Variants in ADAMTSL1 observed in about 807,000 individuals in gnomAD.
ADAMTSL1 encodes the protein ADAMTS like 1.
Under a neutral mutation model 201.8 loss-of-function variants are expected in ADAMTSL1, and 126 were observed. The ratio of observed to expected loss-of-function variants is 0.62; its 90% CI spans 0.54 to 0.72. The LOEUF (loss-of-function observed/expected upper bound fraction) is 0.72, where lower values mean the gene tolerates loss of function less well. Ranked by LOEUF, ADAMTSL1 falls within the 30% of genes least tolerant of loss-of-function variation. The probability of loss-of-function intolerance (pLI) is 0.00; values close to 1 mark genes in which losing one functional copy is unlikely to be tolerated. For synonymous variants in ADAMTSL1, 1,121 were observed against 903.4 expected, an observed-to-expected ratio of 1.24 and a Z score of -4.32; for missense variants, 2,679 against 2,277.8, an observed-to-expected ratio of 1.18 and a Z score of -3.59.
At chr9:18,481,271 G>A (rs1821714799) in intron 1 of ADAMTSL1, among the ~76,000 whole-genome samples, 1 of 152,188 alleles carries the variant, frequency 6.6e-6, no homozygotes, top group Non-Finnish European at 1.5e-5. Context: ...TAGGCTGGGT[G>A]CAGTGGCTCA....
chr9:18,845,642 T>C (rs1458049710), intron 23 of ADAMTSL1, among the ~76,000 whole-genome samples: 1 of 152,252 alleles, frequency 6.6e-6, no homozygotes, highest in African/African-American at 2.4e-5. Context: ...TTTTCTCTGC[T>C]TATTCCTCTG....
At chr9:18,410,557 A>T (rs531011996) in intron 2 of ADAMTSL1, among the ~76,000 whole-genome samples, 6 of 152,314 alleles carry the variant, frequency 3.9e-5, no homozygotes, top group African/African-American at 1.4e-4. Flanking sequence ...ACATGATCTC[A>T]TTCCTTTTTA....
rs377408880 is a variant in ADAMTSL1 at position 18,771,226 on chromosome 9, T to C, written c.2397+445T>C. 7.2e-5 allele frequency among the ~76,000 whole-genome samples: 11 copies of C among 152,306 alleles called. No homozygotes were observed. The East Asian group carries it at 1.7e-3, about 24-fold the overall frequency. On this transcript the variant is annotated intron_variant, in intron 17 of 28. Transcript: ENST00000380548. Reference sequence around the variant, plus strand: ...AGTTACTGGACAATAAAGGACATGATTTATTAGGAAAAGAAGGCCAAGGAA... The same window carrying C: ...AGTTACTGGACAATAAAGGACATGACTTATTAGGAAAAGAAGGCCAAGGAA...
Position 18,117,173 on chromosome 9 carries a change from T to C in ADAMTSL1, c.88-46689T>C, listed in dbSNP as rs1192189587. Among the ~76,000 whole-genome samples the C allele has an allele frequency of 5.3e-5, 8 of 152,194 alleles. No homozygotes were observed. The East Asian group carries it at 1.3e-3, about 26-fold the overall frequency. Reference sequence around the variant, plus strand: ...ATTTGAATTGCTGTAGTTATCTCTATATTTATTCTTTTGCCATTCTCTAGC... The same window carrying C: ...ATTTGAATTGCTGTAGTTATCTCTACATTTATTCTTTTGCCATTCTCTAGC... On this transcript the variant is annotated intron_variant, in intron 1 of 29. Transcript: ENST00000680146.
intron 26 of ADAMTSL1, among the ~76,000 whole-genome samples, chr9:18,894,784 T>C (rs1174009893): frequency 6.6e-6 from 1 of 152,098 alleles, no homozygotes; most frequent in African/African-American, 2.4e-5. Flanking sequence ...ATACAAGTGG[T>C]GGCTAAGAAT....
chr9:18,880,930 G>A (rs376857540), intron 23 of ADAMTSL1, among the ~76,000 whole-genome samples: 1 of 152,168 alleles, frequency 6.6e-6, no homozygotes, highest in South Asian at 2.1e-4. Flanking sequence ...ATAACTTGCT[G>A]CTTTAACTTG....
intron 1 of ADAMTSL1, among the ~76,000 whole-genome samples, chr9:18,084,233 G>T (rs73420843): frequency 0.047 from 7,127 of 152,186 alleles, 231 homozygotes; most frequent in African/African-American, 0.094. Flanking sequence ...TTAAGAGGTG[G>T]TGGTGAGGCT....
At chr9:18,236,793 T>A (rs1242747508) in intron 2 of ADAMTSL1, among the ~76,000 whole-genome samples, 1 of 152,210 alleles carries the variant, frequency 6.6e-6, no homozygotes, top group African/African-American at 2.4e-5. Flanking sequence ...GCAAATGCAG[T>A]GCAATGCAAA....
intron 9 of ADAMTSL1, among the ~76,000 whole-genome samples, chr9:18,669,091 A>T (rs980382628): frequency 6.6e-6 from 1 of 152,234 alleles, no homozygotes; most frequent in African/African-American, 2.4e-5. Flanking sequence ...AACCTATGAG[A>T]TCTGGTTCCA....
At chr9:17,996,573 A>T (rs1819390603) in intron 1 of ADAMTSL1, among the ~76,000 whole-genome samples, 1 of 152,076 alleles carries the variant, frequency 6.6e-6, no homozygotes, top group Non-Finnish European at 1.5e-5. Flanking sequence ...AGGTCATCAG[A>T]GTGCTACTTA....
In ADAMTSL1 at chr9:18,877,116, A is replaced by T. The variant is rs368345872; in HGVS notation, c.4250-10715A>T. ...TGATTGTTTTTTATTTATGCTGTCT[A>T]TTTCTCTGGAGACTTTTCCATCCAT... On this transcript the variant is annotated intron_variant, in intron 23 of 28. Transcript: ENST00000380548. 7.9e-5 allele frequency among the ~76,000 whole-genome samples: 12 copies of T among 151,798 alleles called. 1 individual carries two copies. Among genetic ancestry groups the T allele is most frequent in the Admixed American group, 6.6e-4 (10 of 15,258 alleles).
chr9:18,678,896 C>T (rs1269664132), intron 10 of ADAMTSL1, among the ~76,000 whole-genome samples: 7 of 152,156 alleles, frequency 4.6e-5, no homozygotes, highest in Non-Finnish European at 8.8e-5. Context: ...AGAGCTACTT[C>T]ATTCTCTTGA....
chr9:18,644,361 T>C (rs192636385), intron 7 of ADAMTSL1, among the ~76,000 whole-genome samples: 6 of 149,622 alleles, frequency 4.0e-5, no homozygotes, highest in Non-Finnish European at 7.4e-5. Flanking sequence ...AGTATCTCCA[T>C]GGAATTTTAT....
At chr9:17,976,734 C>T (rs1818466540) in intron 1 of ADAMTSL1, among the ~76,000 whole-genome samples, 1 of 147,954 alleles carries the variant, frequency 6.8e-6, no homozygotes, top group South Asian at 2.2e-4. Flanking sequence ...TCCCTCCCTG[C>T]CCCCTGCCTC....
chr9:18,106,510 C>T (rs954986105), intron 1 of ADAMTSL1, among the ~76,000 whole-genome samples: 2 of 152,136 alleles, frequency 1.3e-5, no homozygotes, highest in African/African-American at 4.8e-5. Context: ...AAAAAAGGCC[C>T]AAATAAGCAG....
chr9:17,908,048 A>G (rs1825792528), intron 1 of ADAMTSL1, among the ~76,000 whole-genome samples: 1 of 152,170 alleles, frequency 6.6e-6, no homozygotes, highest in Non-Finnish European at 1.5e-5. Flanking sequence ...CTATTTTAAA[A>G]TTTTGATTGC....
chr9:18,339,305 A>C (rs562457941), intron 2 of ADAMTSL1, among the ~76,000 whole-genome samples: 104 of 152,304 alleles, frequency 6.8e-4, no homozygotes, highest in African/African-American at 2.4e-3. Flanking sequence ...ACATGAACAG[A>C]CACTTTTCAA....
At chr9:18,883,841 A>AAG (rs1828692545) in intron 23 of ADAMTSL1, among the ~76,000 whole-genome samples, 6 of 152,138 alleles carry the variant, frequency 3.9e-5, no homozygotes, top group Admixed American at 2.6e-4. Flanking sequence ...AGTGGTTTAA[A>AAG]TCTTTTGGGT....
At chr9:18,193,122 G>T (rs1587278531) in intron 2 of ADAMTSL1, among the ~76,000 whole-genome samples, 1 of 152,056 alleles carries the variant, frequency 6.6e-6, no homozygotes, top group South Asian at 2.1e-4. Flanking sequence ...AAATAAAGCT[G>T]CTCTTGTTTG....
Sources: gnomAD v4.1 joint callset for allele counts (sites outside exome capture counted in the v4.1 genomes callset) on GRCh38, gnomAD v4.1.1 for gene constraint, MANE v1.5 for transcripts, NCBI Gene and HGNC (gene_info 2026-07-23, HGNC 2026-07-21) for gene names.